The following TULP4 variants were observed in gnomAD, a reference collection of about 807,000 sequenced individuals.
The protein encoded by TULP4 is tubby-related protein 4.
A neutral mutation model predicts 129.0 loss-of-function variants in TULP4; 16 were observed. The ratio of observed to expected loss-of-function variants is 0.12; its 90% CI spans 0.08 to 0.19. The LOEUF is 0.19. TULP4 is among the 10% of genes least tolerant of loss of function. TULP4 has a pLI of 1.00. For missense variants in TULP4, 1,842 were observed against 2,059.1 expected, an observed-to-expected ratio of 0.89 and a Z score of 2.04; for synonymous variants, 998 against 854.0, an observed-to-expected ratio of 1.17 and a Z score of -2.94.
intron 1 of TULP4, among the ~76,000 whole-genome samples, chr6:158,330,766 TTTAG>T (rs1469230516): frequency 6.6e-6 from 1 of 152,206 alleles, no homozygotes; most frequent in African/African-American, 2.4e-5. Flanking sequence ...ACACACTGCA[TTTAG>T]TTGTTAGGTA....
chr6:158,248,097 C>G (rs1007784211), intron 1 of TULP4, among the ~76,000 whole-genome samples: 1 of 152,170 alleles, frequency 6.6e-6, no homozygotes, highest in African/African-American at 2.4e-5. Context: ...GTTAAATAAT[C>G]AGAGAATTTA....
At chr6:158,328,231 C>G (rs1378735583) in intron 1 of TULP4, among the ~76,000 whole-genome samples, 1 of 151,690 alleles carries the variant, frequency 6.6e-6, no homozygotes, top group Non-Finnish European at 1.5e-5. Flanking sequence ...GTACCAGACA[C>G]CATCCTAAGT....
intron 1 of TULP4, among the ~76,000 whole-genome samples, chr6:158,282,593 C>T (rs968309662): frequency 2.7e-5 from 4 of 150,756 alleles, no homozygotes; most frequent in African/African-American, 7.3e-5. Context: ...AGAACGGCTA[C>T]GAGATTTAAA....
At chr6:158,487,543 A>G (rs1316774296) in intron 8 of TULP4, among the ~76,000 whole-genome samples, 1 of 152,254 alleles carries the variant, frequency 6.6e-6, no homozygotes, top group Non-Finnish European at 1.5e-5. Flanking sequence ...TAGTTAAGCC[A>G]TAGGTTCTCA....
At chr6:158,321,737 G>A (rs1000621156) in intron 1 of TULP4, among the ~76,000 whole-genome samples, 1 of 152,082 alleles carries the variant, frequency 6.6e-6, no homozygotes, top group African/African-American at 2.4e-5. Context: ...ACCATGCCTA[G>A]CATAAACCTC....
At chr6:158,383,866 A>G (rs1171783497) in intron 1 of TULP4, among the ~76,000 whole-genome samples, 1 of 152,182 alleles carries the variant, frequency 6.6e-6, no homozygotes, top group Admixed American at 6.5e-5. Flanking sequence ...AGATGGACAC[A>G]CTTGTTAGGC....
At chr6:158,369,619 A>G (rs1777027929) in intron 1 of TULP4, among the ~76,000 whole-genome samples, 1 of 152,200 alleles carries the variant, frequency 6.6e-6, no homozygotes, top group African/African-American at 2.4e-5. Flanking sequence ...GGACATTTTC[A>G]CATGAGATTT....
intron 1 of TULP4, among the ~76,000 whole-genome samples, chr6:158,405,533 T>C (rs891897357): frequency 2.6e-5 from 4 of 152,180 alleles, no homozygotes; most frequent in African/African-American, 9.7e-5. Flanking sequence ...GCATATGCTC[T>C]GCTACTTGAG....
At chr6:158,282,742 G>A (rs991449359) in intron 1 of TULP4, 1 of 152,078 alleles carries the variant, frequency 6.6e-6, no homozygotes, top group East Asian at 1.9e-4. Flanking sequence ...CAGGCATCTG[G>A]ATCTTCCAGG....
intron 1 of TULP4, among the ~76,000 whole-genome samples, chr6:158,396,764 T>TA: frequency 6.6e-6 from 1 of 152,310 alleles, no homozygotes; most frequent in South Asian, 2.1e-4. Flanking sequence ...CATTGTAATA[T>TA]AACTTAAGAT....
intron 6 of TULP4, among the ~76,000 whole-genome samples, chr6:158,478,942 T>A (rs141085644): frequency 6.6e-6 from 1 of 152,152 alleles, no homozygotes; most frequent in Non-Finnish European, 1.5e-5. Flanking sequence ...GAGCTTTCTT[T>A]CCCTGCACCG....
rs1779386230 is a variant in TULP4, at chr6:158,312,684, C to CTTT, written c.-1333_-1332insTTT. On this transcript the variant is annotated 5_prime_UTR_variant, in exon 1 of 14. Transcript: ENST00000367097. ...AGAAATTTTAATTTATTATTCCCCCCCTTTTTTCCTGCATCTATAGGATAA... is the reference window on the plus strand; with the variant it reads ...AGAAATTTTAATTTATTATTCCCCCCTTTCTTTTTTCCTGCATCTATAGGATAA... 1 of 151,676 alleles carries CTTT rather than the reference C, an allele frequency of 6.6e-6. No individual in the cohort carries two copies. The allele number at this position is 151,676 out of a possible 1,614,324, so 9.4% of individuals were successfully genotyped here.
At chr6:158,290,613 A>T (rs6938546) in intron 1 of TULP4, among the ~76,000 whole-genome samples, 1,692 of 152,068 alleles carry the variant, frequency 0.011, 36 homozygotes, top group African/African-American at 0.037. Context: ...CCCTCCAGTG[A>T]TTTAGAAGTT....
chr6:158,297,459 T>A (rs1733634049), intron 1 of TULP4, among the ~76,000 whole-genome samples: 2 of 152,090 alleles, frequency 1.3e-5, no homozygotes, highest in Admixed American at 1.3e-4. Context: ...ATCCTCAGCT[T>A]ACGAAGATAA....
chr6:158,491,384 A>G (rs932786128), intron 9 of TULP4, among the ~76,000 whole-genome samples: 3 of 150,678 alleles, frequency 2.0e-5, no homozygotes, highest in African/African-American at 2.4e-5. Context: ...TTATTGAGTT[A>G]TAAGAGTTCT....
In TULP4 at chr6:158,363,554, G is replaced by C. The variant is rs1780849842; in HGVS notation, c.252+49286G>C. ...GCTGGAGTGCAGTGGCACGATCTTG[G>C]CTCACTGCAACCTCTGCCTCCTGGG... On this transcript the variant is annotated intron_variant, in intron 1 of 13. Coordinates refer to ENST00000367097, the MANE Select transcript of TULP4 (RefSeq NM_020245.5). 2.0e-5 allele frequency among the ~76,000 whole-genome samples: 3 copies of C among 152,132 alleles called. No homozygotes were observed. In the South Asian group the frequency reaches 6.2e-4, roughly 32 times the overall value.
chr6:158,236,795 CTTTTTTTTTTTTTTTTTTTTT>C lies in TULP4; in HGVS notation n.68+4508_68+4528del, dbSNP rs71030149. Among the ~76,000 whole-genome samples the C allele has an allele frequency of 1.1e-4, 7 of 63,292 alleles. No individual in the cohort carries two copies. In the South Asian group the frequency reaches 1.7e-3, roughly 16 times the overall value. 41.5% of individuals were successfully genotyped at this position (63,292 alleles called of 152,430 possible). A position where few individuals can be genotyped will look rare whatever the true frequency, so the allele number is the denominator to read the frequency against. On this transcript the variant is annotated intron_variant and non_coding_transcript_variant, in intron 1 of 1. Coordinates refer to the TULP4 transcript ENST00000620026. Reference sequence around the variant, plus strand: ...AGATGGGTAAATGCCCAATTCTTTTCTTTTTTTTTTTTTTTTTTTTTTTTTTTTTTTTTTTTGAGATAGGGT... The same window carrying C: ...AGATGGGTAAATGCCCAATTCTTTTCTTTTTTTTTTTTTTTGAGATAGGGT...
At position 158,408,270 on chromosome 6, in the gene TULP4, T is replaced by C. The variant is rs569940901; in HGVS notation, c.253-4795T>C. ...GCGGCAAGGGGCAGAAGGGTGTTCCTGGCCAAGGGTGGCACGAAGCATGTG... is the reference window on the plus strand; with the variant it reads ...GCGGCAAGGGGCAGAAGGGTGTTCCCGGCCAAGGGTGGCACGAAGCATGTG... On this transcript the variant is annotated intron_variant, in intron 1 of 13. Transcript: ENST00000367097. Among the ~76,000 whole-genome samples the C allele has an allele frequency of 2.0e-3, 299 of 152,234 alleles. 2 individuals carry two copies. The highest frequency in any genetic ancestry group is 6.9e-3 in the African/African-American group (285 of 41,546).
At chr6:158,391,138 G>A (rs1304590591) in intron 1 of TULP4, among the ~76,000 whole-genome samples, 8 of 152,094 alleles carry the variant, frequency 5.3e-5, no homozygotes, top group African/African-American at 4.8e-5. Context: ...AATAATAGTC[G>A]AATGACACAA....
Sources: allele counts gnomAD v4.1 joint callset (sites outside exome capture counted in the v4.1 genomes callset), GRCh38; gene constraint gnomAD v4.1.1; transcripts MANE v1.5; gene names NCBI Gene and HGNC (gene_info 2026-07-23, HGNC 2026-07-21).